Variants in PXDC1 observed in about 807,000 individuals in gnomAD.
The protein encoded by PXDC1 is PX domain containing 1, also known as PX domain-containing protein 1.
A neutral mutation model predicts 24.4 loss-of-function variants in PXDC1; 13 were observed. That is an observed-to-expected ratio of 0.53 (90% CI 0.35 to 0.85). The LOEUF is 0.85. Among genes scored for constraint, PXDC1 ranks in the 40% least tolerant of loss-of-function variants. The pLI, the probability that PXDC1 is intolerant of heterozygous loss-of-function variation, is 0.01. For synonymous variants in PXDC1, 162 were observed against 124.9 expected (o/e 1.30, Z -1.98); for missense variants, 344 against 309.3 (o/e 1.11, Z -0.84).
At chr6:3,747,004 TG>T (rs1760585609) in intron 1 of PXDC1, among the ~76,000 whole-genome samples, 1 of 152,124 alleles carries the variant, frequency 6.6e-6, no homozygotes, top group Admixed American at 6.5e-5. Flanking sequence ...GGTAGATGAA[TG>T]TCTTTGGTGA....
At position 3,724,435 on chromosome 6, in the gene PXDC1, G is replaced by A. The variant is rs1760010932; in HGVS notation, c.579-699C>T. ...CACTGGAACTGTTTCTACTCCCTCTGCAGCCCAGGCAGACTTCCTACGTTA... is the reference window on the plus strand; with the variant it reads ...CACTGGAACTGTTTCTACTCCCTCTACAGCCCAGGCAGACTTCCTACGTTA... On this transcript the variant is annotated intron_variant, in intron 4 of 4. Coordinates refer to ENST00000380283, the MANE Select transcript of PXDC1 (RefSeq NM_183373.4). The surrounding 1 kb of genome is among the most constrained non-coding windows in gnomAD (Gnocchi z 4.5). Among the ~76,000 whole-genome samples the A allele has an allele frequency of 6.6e-6, 1 of 152,204 alleles. No individual in the cohort carries two copies. Among genetic ancestry groups the A allele is most frequent in the Non-Finnish European group, 1.5e-5 (1 of 68,038 alleles).
intron 1 of PXDC1, among the ~76,000 whole-genome samples, chr6:3,746,803 C>T (rs1294633212): frequency 6.6e-6 from 1 of 152,138 alleles, no homozygotes; most frequent in Non-Finnish European, 1.5e-5. Flanking sequence ...GGGCTTCTCC[C>T]CTCACTGTCC....
At chr6:3,744,810 G>A (rs1283787289) in intron 1 of PXDC1, among the ~76,000 whole-genome samples, 3 of 152,222 alleles carry the variant, frequency 2.0e-5, no homozygotes, top group Admixed American at 6.5e-5. Flanking sequence ...TGATTCTCCT[G>A]CCTTAGCCTC....
At chr6:3,738,803 C>G in intron 1 of PXDC1, 1 of 1,302,976 alleles carries the variant, frequency 7.7e-7, no homozygotes, top group Non-Finnish European at 1.0e-6. Context: ...TACCATAGCT[C>G]GAGGCATGAA....
chr6:3,724,017 C>T lies in PXDC1; in HGVS notation c.579-281G>A, dbSNP rs552882915. Among the ~76,000 whole-genome samples, 1 of 152,320 alleles carries T rather than the reference C, an allele frequency of 6.6e-6. No homozygotes were observed. Among genetic ancestry groups the T allele is most frequent in the East Asian group, 1.9e-4 (1 of 5,174 alleles). On this transcript the variant is annotated intron_variant, in intron 4 of 4. Coordinates refer to ENST00000380283, the MANE Select transcript of PXDC1 (RefSeq NM_183373.4). The surrounding 1 kb of genome is among the most constrained non-coding windows in gnomAD (Gnocchi z 4.5). ...GCTGATTTTCACCTCTTGTTCTGTG[C>T]CCAGCACCGCGTCAGGCTGTGGGAT...
rs1760358637 is a variant in PXDC1, at chr6:3,737,933, A to C, written c.348+124T>G. Reference sequence around the variant, plus strand: ...TATCGCCTGGTACTACCAGGGAGGGAACAAAACGGCTAAGTGAGACAGAGC... The same window carrying C: ...TATCGCCTGGTACTACCAGGGAGGGCACAAAACGGCTAAGTGAGACAGAGC... On this transcript the variant is annotated intron_variant, in intron 2 of 4. Transcript: ENST00000380283. The surrounding 1 kb of genome is among the most constrained non-coding windows in gnomAD (Gnocchi z 5.5). 2 of 833,554 alleles carry C rather than the reference A, an allele frequency of 2.4e-6. No individual in the cohort carries two copies. The highest frequency in any genetic ancestry group is 3.4e-5 in the African/African-American group (2 of 58,980). 51.6% of individuals were successfully genotyped at this position (833,554 alleles called of 1,614,324 possible).
chr6:3,732,043 T>C (rs1210623332), intron 3 of PXDC1, among the ~76,000 whole-genome samples: 1 of 152,278 alleles, frequency 6.6e-6, no homozygotes, highest in Non-Finnish European at 1.5e-5. Flanking sequence ...ATGCAAATCC[T>C]GTTTCTCCTC....
At chr6:3,727,507 G>T in intron 4 of PXDC1, 44 bp downstream of exon 4, 2 of 1,407,678 alleles carry the variant, frequency 1.4e-6, no homozygotes, top group Non-Finnish European at 2.0e-6. Context: ...AAGGCAAATG[G>T]CTCAGGACAG....
At chr6:3,736,585 C>A (rs974314086) in intron 3 of PXDC1, among the ~76,000 whole-genome samples, 22 of 152,214 alleles carry the variant, frequency 1.4e-4, no homozygotes, top group African/African-American at 5.3e-4. Context: ...TAGTAAGTCA[C>A]CAAACTTGGA....
chr6:3,731,956 G>A (rs1269053594), intron 3 of PXDC1, among the ~76,000 whole-genome samples: 1 of 152,230 alleles, frequency 6.6e-6, no homozygotes, highest in African/African-American at 2.4e-5. Flanking sequence ...CTGGTGAGGA[G>A]GCTTCTGCCA....
At chr6:3,732,692 GAAACAGTCGCCGC>G (rs1290928652) in intron 3 of PXDC1, among the ~76,000 whole-genome samples, 1 of 152,208 alleles carries the variant, frequency 6.6e-6, no homozygotes, top group Non-Finnish European at 1.5e-5. Flanking sequence ...CCAGGATGTG[GAAACAGTCGCCGC>G]GCCTGCTAGC....
intron 1 of PXDC1, among the ~76,000 whole-genome samples, chr6:3,750,104 G>C (rs941651558): frequency 1.1e-4 from 16 of 152,236 alleles, no homozygotes; most frequent in African/African-American, 3.6e-4. Context: ...CTGGCTGTGG[G>C]AGCCCTTCCA....
At position 3,723,642 on chromosome 6, in the gene PXDC1, AG is replaced by A; in HGVS notation, c.672del (p.Phe225SerfsTer24). 1 of 1,614,070 alleles carries A rather than the reference AG, an allele frequency of 6.2e-7. No individual in the cohort carries two copies. The highest frequency in any genetic ancestry group is 1.1e-5 in the South Asian group (1 of 91,070). ...VTNLSYYHLV[P>X]FETDIWD The stretch of plus-strand genomic sequence containing the variant: ...GTTCAGTCCCAAATGTCTGTCTCGA[AG>A]GGGACCAGGTGGTAATATGACAGGT... On this transcript the variant is annotated frameshift_variant, in exon 5 of 5. Transcript: ENST00000380283. LOFTEE classifies it high-confidence loss of function.
At chr6:3,732,516 G>A (rs779649323) in intron 3 of PXDC1, among the ~76,000 whole-genome samples, 3 of 152,238 alleles carry the variant, frequency 2.0e-5, no homozygotes, top group Non-Finnish European at 4.4e-5. Flanking sequence ...TCGAAGCTGA[G>A]GTTTGCATTT....
In PXDC1 at chr6:3,738,375, G is replaced by A. The variant is rs115880190; in HGVS notation, c.257-227C>T. ...GATCCATAAAGTCTGTGCAGGAGTT[G>A]GTACTGTCAATCTGAAAAGGGGATG... On this transcript the variant is annotated intron_variant, in intron 1 of 4. Transcript: ENST00000380283. 4.1e-3 allele frequency among the ~76,000 whole-genome samples: 629 copies of A among 152,280 alleles called. 5 individuals carry two copies. Among genetic ancestry groups the A allele is most frequent in the African/African-American group, 0.015 (604 of 41,546 alleles).
intron 1 of PXDC1, among the ~76,000 whole-genome samples, chr6:3,748,872 C>T (rs6930339): frequency 0.61 from 92,313 of 152,132 alleles, 28,380 homozygotes; most frequent in Non-Finnish European, 0.65. Context: ...AGAGAAAAGC[C>T]GGCATTGCAG....
At chr6:3,733,457 A>C (rs1760246566) in intron 3 of PXDC1, among the ~76,000 whole-genome samples, 1 of 152,170 alleles carries the variant, frequency 6.6e-6, no homozygotes, top group African/African-American at 2.4e-5. Context: ...CCGCCTCGCC[A>C]CCGGCAGGCA....
chr6:3,737,237 T>TA lies in PXDC1; in HGVS notation c.349-42dup, dbSNP rs1760339766. On this transcript the variant is annotated intron_variant, in intron 2 of 4. Coordinates refer to ENST00000380283, the MANE Select transcript of PXDC1 (RefSeq NM_183373.4). The surrounding 1 kb of genome is among the most constrained non-coding windows in gnomAD (Gnocchi z 5.5). ...GGGATTACTAAAAACGATCAGCCTCTACACGTTGGCCCTGTCTGTCTACCA... is the reference window on the plus strand; with the variant it reads ...GGGATTACTAAAAACGATCAGCCTCTAACACGTTGGCCCTGTCTGTCTACCA... 2 of 1,410,672 alleles carry TA rather than the reference T, an allele frequency of 1.4e-6. No individual in the cohort carries two copies. The highest frequency in any genetic ancestry group is 2.0e-6 in the Non-Finnish European group (2 of 995,360). The allele number at this position is 1,410,672 out of a possible 1,614,324, so 87.4% of individuals were successfully genotyped here.
At chr6:3,733,854 G>C (rs1038141975) in intron 3 of PXDC1, among the ~76,000 whole-genome samples, 1 of 152,102 alleles carries the variant, frequency 6.6e-6, no homozygotes, top group African/African-American at 2.4e-5. Context: ...ATGGCAGCCC[G>C]CCAACATCTG....
Sources: gnomAD v4.1 joint callset for allele counts (sites outside exome capture counted in the v4.1 genomes callset) on GRCh38, gnomAD v4.1.1 for gene constraint, Gnocchi (gnomAD v3.1) non-coding constraint, MANE v1.5 for transcripts, NCBI Gene and HGNC (gene_info 2026-07-23, HGNC 2026-07-21) for gene names.